SMYD3: variants seen among roughly 807,000 people sequenced by gnomAD.
SMYD3 encodes the protein histone-lysine N-methyltransferase SMYD3.
Under a neutral mutation model 57.7 loss-of-function variants are expected in SMYD3, and 36 were observed. That is an observed-to-expected ratio of 0.62 (90% CI 0.48 to 0.82). The LOEUF (loss-of-function observed/expected upper bound fraction) is 0.82. SMYD3 is among the 40% of genes least tolerant of loss of function. The probability of loss-of-function intolerance (pLI) is 0.00; values close to 1 mark genes in which losing one functional copy is unlikely to be tolerated. For synonymous variants in SMYD3, 211 were observed against 195.0 expected, an observed-to-expected ratio of 1.08 and a Z score of -0.68; for missense variants, 515 against 538.8, an observed-to-expected ratio of 0.96 and a Z score of 0.44.
chr1:245,948,264 G>A (rs995733728), intron 5 of SMYD3, among the ~76,000 whole-genome samples: 8 of 152,232 alleles, frequency 5.3e-5, no homozygotes, highest in South Asian at 2.1e-4. Flanking sequence ...ACAGCAGGAC[G>A]GAATCACAAC....
intron 10 of SMYD3, among the ~76,000 whole-genome samples, chr1:245,834,708 T>C (rs1274890042): frequency 1.3e-5 from 2 of 151,882 alleles, no homozygotes; most frequent in African/African-American, 4.8e-5. Flanking sequence ...ACACAGGGAG[T>C]AATCACCATT....
At chr1:246,370,579 A>G (rs755383073) in intron 1 of SMYD3, among the ~76,000 whole-genome samples, 5 of 152,194 alleles carry the variant, frequency 3.3e-5, no homozygotes, top group Non-Finnish European at 7.3e-5. Flanking sequence ...GCAAACTATG[A>G]GATAATCTAT....
In SMYD3 at chr1:246,330,474, A is replaced by G; in HGVS notation, c.394+6T>C. ...TTTTTTAAGATGCTGATAGACAATC[A>G]CTTACTTGACTCCAGATCATAAAAT... On this transcript the variant is annotated splice_donor_region_variant and intron_variant, in intron 4 of 11. Coordinates refer to ENST00000490107, the MANE Select transcript of SMYD3 (RefSeq NM_001167740.2). The G allele has an allele frequency of 6.3e-7, 1 of 1,576,246 alleles. No individual in the cohort carries two copies. The highest frequency in any genetic ancestry group is 8.6e-7 in the Non-Finnish European group (1 of 1,164,188).
chr1:245,813,968 G>A (rs553592108), intron 10 of SMYD3, among the ~76,000 whole-genome samples: 3 of 151,060 alleles, frequency 2.0e-5, no homozygotes, highest in African/African-American at 7.4e-5. Flanking sequence ...GGTGATTGTA[G>A]ATTTCTTCAT....
chr1:245,930,159 G>T, intron 5 of SMYD3: 2 of 473,172 alleles, frequency 4.2e-6, no homozygotes, highest in Non-Finnish European at 7.9e-6. Flanking sequence ...CCAACCTCCT[G>T]GGAGAAAAAA....
At chr1:246,393,331 A>G (rs918139339) in intron 1 of SMYD3, among the ~76,000 whole-genome samples, 2 of 152,194 alleles carry the variant, frequency 1.3e-5, no homozygotes, top group African/African-American at 4.8e-5. Context: ...TTACTCAGTG[A>G]CAGAACCAGA....
chr1:246,378,654 TAC>T (rs1553339972), intron 1 of SMYD3, among the ~76,000 whole-genome samples: 1 of 128,670 alleles, frequency 7.8e-6, no homozygotes, highest in Non-Finnish European at 1.6e-5. Context: ...TATATATATA[TAC>T]ACACACACAT....
intron 5 of SMYD3, among the ~76,000 whole-genome samples, chr1:246,147,937 G>A (rs1219381379): frequency 1.3e-5 from 2 of 152,120 alleles, no homozygotes; most frequent in African/African-American, 4.8e-5. Flanking sequence ...TGCAGGCTCG[G>A]GGGTGTCTGC....
At chr1:246,086,903 G>C (rs1407611636) in intron 5 of SMYD3, among the ~76,000 whole-genome samples, 3 of 152,012 alleles carry the variant, frequency 2.0e-5, no homozygotes, top group Non-Finnish European at 4.4e-5. Flanking sequence ...GACAGGCCCA[G>C]TGTGTGTTGT....
At chr1:246,077,807 T>C (rs1244417662) in intron 5 of SMYD3, among the ~76,000 whole-genome samples, 68 of 152,190 alleles carry the variant, frequency 4.5e-4, no homozygotes, top group Admixed American at 4.4e-3. Context: ...GTTGCCTGTT[T>C]ATGTATCTGA....
chr1:246,076,674 TTTG>T (rs144284864), intron 5 of SMYD3, among the ~76,000 whole-genome samples: 35,467 of 143,424 alleles, frequency 0.25, 4,554 homozygotes, highest in East Asian at 0.39. Flanking sequence ...TCTGTCTGGT[TTTG>T]TTTTTTTTTT....
intron 1 of SMYD3, among the ~76,000 whole-genome samples, chr1:246,473,183 T>C (rs1400625273): frequency 6.6e-6 from 1 of 152,204 alleles, no homozygotes; most frequent in Non-Finnish European, 1.5e-5. Context: ...TTCCCTCATT[T>C]GGTAGGTATC....
chr1:245,785,312 T>A (rs1404564990), intron 10 of SMYD3, among the ~76,000 whole-genome samples: 1 of 151,906 alleles, frequency 6.6e-6, no homozygotes, highest in East Asian at 1.9e-4. Context: ...CAGGAGCATT[T>A]AAAAAAAATC....
intron 1 of SMYD3, among the ~76,000 whole-genome samples, chr1:246,441,211 T>C (rs946617197): frequency 4.6e-5 from 7 of 152,172 alleles, no homozygotes; most frequent in African/African-American, 1.7e-4. Context: ...GTAGGTAAAA[T>C]TCACGCTGAG....
intron 5 of SMYD3, among the ~76,000 whole-genome samples, chr1:246,004,996 C>T (rs532217009): frequency 2.6e-5 from 4 of 152,266 alleles, no homozygotes; most frequent in East Asian, 3.9e-4. Context: ...CAGGCGTGCA[C>T]CACCATGCCT....
chr1:245,786,224 T>G (rs1412331652), intron 10 of SMYD3, among the ~76,000 whole-genome samples: 144 of 127,714 alleles, frequency 1.1e-3, no homozygotes, highest in Admixed American at 2.0e-3. Flanking sequence ...GGGGGGGGGA[T>G]GGTGGCAACA....
intron 5 of SMYD3, among the ~76,000 whole-genome samples, chr1:246,268,177 G>C (rs1338482236): frequency 6.6e-6 from 1 of 152,098 alleles, no homozygotes; most frequent in Non-Finnish European, 1.5e-5. Context: ...ATGGGAGGTC[G>C]GCACAAGATA....
At chr1:245,815,657 CAAAAGCATTA>C (rs2048764523) in intron 10 of SMYD3, among the ~76,000 whole-genome samples, 1 of 152,208 alleles carries the variant, frequency 6.6e-6, no homozygotes, top group African/African-American at 2.4e-5. Context: ...GTGTCCTGCT[CAAAAGCATTA>C]AAACATCATT....
At chr1:246,156,931 G>A (rs1471030952) in intron 5 of SMYD3, among the ~76,000 whole-genome samples, 1 of 152,164 alleles carries the variant, frequency 6.6e-6, no homozygotes, top group African/African-American at 2.4e-5. Context: ...AATGACTCAG[G>A]TGTCTGGTTT....
Sources: allele counts gnomAD v4.1 joint callset (sites outside exome capture counted in the v4.1 genomes callset), GRCh38; gene constraint gnomAD v4.1.1; transcripts MANE v1.5; gene names NCBI Gene and HGNC (gene_info 2026-07-23, HGNC 2026-07-21).